Variants in MAPK10 observed in about 807,000 individuals in gnomAD.
The protein encoded by MAPK10 is mitogen-activated protein kinase 10.
Under a neutral mutation model 59.3 loss-of-function variants are expected in MAPK10, and 25 were observed. That is an observed-to-expected ratio of 0.42 (90% confidence interval 0.31 to 0.59). MAPK10 has a LOEUF of 0.59. Among genes scored for constraint, MAPK10 ranks in the 20% least tolerant of loss-of-function variants. MAPK10 has a pLI of 0.15. For synonymous variants in MAPK10, 190 were observed against 200.5 expected, an observed-to-expected ratio of 0.95 and a Z score of 0.44; for missense variants, 351 against 568.9, an observed-to-expected ratio of 0.62 and a Z score of 3.90.
At chr4:86,582,046 T>G (rs1381926095) in intron 1 of MAPK10, among the ~76,000 whole-genome samples, 1 of 150,712 alleles carries the variant, frequency 6.6e-6, no homozygotes, top group Non-Finnish European at 1.5e-5. Context: ...AGGTGCCAAG[T>G]GTAATAGGAA....
At chr4:86,543,153 C>T (rs923288295) in intron 1 of MAPK10, among the ~76,000 whole-genome samples, 2 of 152,096 alleles carry the variant, frequency 1.3e-5, no homozygotes, top group African/African-American at 2.4e-5. Flanking sequence ...ATACCTGATC[C>T]GTCCAGGTGG....
At chr4:86,349,969 G>A (rs1730317978) in intron 2 of MAPK10, among the ~76,000 whole-genome samples, 1 of 152,196 alleles carries the variant, frequency 6.6e-6, no homozygotes, top group South Asian at 2.1e-4. Context: ...GATGTGATGA[G>A]ACTGAAGCAC....
At chr4:86,317,416 C>A (rs1184587963) in intron 2 of MAPK10, among the ~76,000 whole-genome samples, 1 of 152,124 alleles carries the variant, frequency 6.6e-6, no homozygotes, top group East Asian at 1.9e-4. Context: ...TACTGTATTT[C>A]TAGGAAGATT....
chr4:86,567,220 TA>T (rs1425307870), intron 1 of MAPK10, among the ~76,000 whole-genome samples: 7 of 144,134 alleles, frequency 4.9e-5, no homozygotes, highest in Admixed American at 2.9e-4. Flanking sequence ...ATATTAGTTC[TA>T]AATTTTTTTT....
intron 4 of MAPK10, among the ~76,000 whole-genome samples, chr4:86,130,368 A>T (rs2060782703): frequency 6.6e-6 from 1 of 152,188 alleles, no homozygotes; most frequent in Non-Finnish European, 1.5e-5. Context: ...CAAGCAAAGT[A>T]GAAGTTTCTT....
At chr4:86,362,228 A>C (rs1309870150), upstream of MAPK10, among the ~76,000 whole-genome samples, 2 of 152,172 alleles carry the variant, frequency 1.3e-5, no homozygotes, top group Admixed American at 6.5e-5. Flanking sequence ...AACATGAATG[A>C]GGAAAAAAGG....
intron 9 of MAPK10, chr4:86,090,209 G>A (rs555118023): frequency 6.6e-6 from 1 of 151,586 alleles, no homozygotes; most frequent in Non-Finnish European, 1.5e-5. Context: ...GCATTCTTGT[G>A]GGGGGAAAAA....
chr4:86,467,199 G>A (rs1203912968), intron 1 of MAPK10, among the ~76,000 whole-genome samples: 1 of 152,120 alleles, frequency 6.6e-6, no homozygotes, highest in East Asian at 1.9e-4. Flanking sequence ...CTCACAGTAG[G>A]CCCCAACAGA....
rs185582508 is a variant in MAPK10 at position 86,226,127 on chromosome 4, C to T, written c.-6-31720G>A. On this transcript the variant is annotated intron_variant, in intron 2 of 13. Transcript: ENST00000641462. Reference sequence around the variant, plus strand: ...AAAAAGTTAGAAATGCTTTTCCTTGCATAGGGATTTCTGGCTTTCAGCATC... The same window carrying T: ...AAAAAGTTAGAAATGCTTTTCCTTGTATAGGGATTTCTGGCTTTCAGCATC... Among the ~76,000 whole-genome samples the T allele has an allele frequency of 2.1e-3, 326 of 152,304 alleles. 2 individuals carry two copies. Among genetic ancestry groups the T allele is most frequent in the African/African-American group, 7.7e-3 (318 of 41,556 alleles).
intron 2 of MAPK10, among the ~76,000 whole-genome samples, chr4:86,297,831 C>T (rs1183029150): frequency 1.3e-5 from 2 of 152,044 alleles, no homozygotes; most frequent in Non-Finnish European, 2.9e-5. Context: ...CTCTGGTAAC[C>T]TTTACACTGG....
At chr4:86,223,854 T>G (rs2090120218) in intron 2 of MAPK10, among the ~76,000 whole-genome samples, 1 of 152,166 alleles carries the variant, frequency 6.6e-6, no homozygotes, top group Non-Finnish European at 1.5e-5. Flanking sequence ...TTCATGGCAG[T>G]CTTGGACCTG....
At chr4:86,105,112 T>C (rs981512513) in intron 5 of MAPK10, among the ~76,000 whole-genome samples, 8 of 152,112 alleles carry the variant, frequency 5.3e-5, no homozygotes, top group African/African-American at 1.9e-4. Flanking sequence ...TTTCAGTTGA[T>C]AAGAAATACA....
chr4:86,137,704 T>C (rs1329222706), intron 4 of MAPK10, among the ~76,000 whole-genome samples: 2 of 122,338 alleles, frequency 1.6e-5, no homozygotes, highest in African/African-American at 7.5e-5. Flanking sequence ...CTGAAGGAAA[T>C]AGAGACACAA....
At chr4:86,063,707 G>A (rs1033961161) in intron 11 of MAPK10, among the ~76,000 whole-genome samples, 2 of 151,916 alleles carry the variant, frequency 1.3e-5, no homozygotes, top group Non-Finnish European at 2.9e-5. Flanking sequence ...TCCATGTCTG[G>A]GTATCAGACA....
chr4:86,121,878 G>A (rs922989298), intron 4 of MAPK10, among the ~76,000 whole-genome samples: 13 of 152,082 alleles, frequency 8.5e-5, no homozygotes, highest in South Asian at 8.3e-4. Flanking sequence ...AGTCTCCCCC[G>A]CTTTTGGCCT....
chr4:86,332,784 T>G (rs967607628), intron 2 of MAPK10: 12 of 152,190 alleles, frequency 7.9e-5, no homozygotes, highest in Non-Finnish European at 1.3e-4. Flanking sequence ...GGAAAAGCCC[T>G]GGGTGAAAGC....
chr4:86,227,485 T>TAA (rs557108399), intron 2 of MAPK10, among the ~76,000 whole-genome samples: 29,292 of 113,748 alleles, frequency 0.26, 3,929 homozygotes, highest in African/African-American at 0.39. Context: ...AGACTCCCTC[T>TAA]AAAAAAAAAA....
intron 4 of MAPK10, among the ~76,000 whole-genome samples, chr4:86,128,742 T>C (rs2060503316): frequency 6.6e-6 from 1 of 152,116 alleles, no homozygotes; most frequent in Admixed American, 6.5e-5. Flanking sequence ...GAAGTAAATT[T>C]TTTATTATAA....
At chr4:86,096,867 T>A (rs1250566709) in intron 9 of MAPK10, among the ~76,000 whole-genome samples, 1 of 151,952 alleles carries the variant, frequency 6.6e-6, no homozygotes, top group African/African-American at 2.4e-5. Flanking sequence ...TACTTCACAC[T>A]ATAGATAGGA....
Sources: allele counts gnomAD v4.1 joint callset (sites outside exome capture counted in the v4.1 genomes callset), GRCh38; gene constraint gnomAD v4.1.1; transcripts MANE v1.5; gene names NCBI Gene and HGNC (gene_info 2026-07-23, HGNC 2026-07-21).